UBE2R2: variants seen among roughly 807,000 people sequenced by gnomAD.
The protein encoded by UBE2R2 is ubiquitin conjugating enzyme E2 R2.
Under a neutral mutation model 27.8 loss-of-function variants are expected in UBE2R2, and 1 was observed. The ratio of observed to expected loss-of-function variants is 0.04; its 90% CI spans 0.01 to 0.17. The LOEUF is 0.17. UBE2R2 is among the 10% of genes least tolerant of loss of function. The probability of loss-of-function intolerance (pLI) is 1.00; values close to 1 mark genes in which losing one functional copy is unlikely to be tolerated. For synonymous variants in UBE2R2, 106 were observed against 113.3 expected, an observed-to-expected ratio of 0.94 and a Z score of 0.41; for missense variants, 100 against 291.0, an observed-to-expected ratio of 0.34 and a Z score of 4.78.
chr9:33,916,118 A>C (rs1822635175), intron 4 of UBE2R2, among the ~76,000 whole-genome samples: 1 of 152,210 alleles, frequency 6.6e-6, no homozygotes, highest in African/African-American at 2.4e-5. Context: ...CGAGGTGGGC[A>C]GATCATGAGG....
At chr9:33,853,370 A>G (rs1380611373) in intron 1 of UBE2R2, among the ~76,000 whole-genome samples, 2 of 144,130 alleles carry the variant, frequency 1.4e-5, no homozygotes, top group African/African-American at 2.6e-5. Flanking sequence ...GCTAACTGCA[A>G]CCTCTGCCTC....
At chr9:33,832,323 A>T (rs1224407101) in intron 1 of UBE2R2, among the ~76,000 whole-genome samples, 3 of 148,790 alleles carry the variant, frequency 2.0e-5, no homozygotes, top group Non-Finnish European at 4.5e-5. Flanking sequence ...AAAAAAAGAA[A>T]AGAAAAGAAA....
chr9:33,844,139 C>T (rs759167099), intron 1 of UBE2R2, among the ~76,000 whole-genome samples: 6 of 152,178 alleles, frequency 3.9e-5, no homozygotes, highest in Non-Finnish European at 5.9e-5. Context: ...CACTTTATTA[C>T]ATTTTATATT....
At chr9:33,877,649 C>T (rs920525224) in intron 1 of UBE2R2, among the ~76,000 whole-genome samples, 2 of 152,002 alleles carry the variant, frequency 1.3e-5, no homozygotes, top group African/African-American at 4.8e-5. Context: ...AAAACTAATT[C>T]CATAATCATC....
chr9:33,864,905 A>G (rs1821325928), intron 1 of UBE2R2, among the ~76,000 whole-genome samples: 1 of 151,590 alleles, frequency 6.6e-6, no homozygotes, highest in African/African-American at 2.4e-5. Flanking sequence ...TTGTATTTTT[A>G]GTAGAGATAG....
intron 1 of UBE2R2, among the ~76,000 whole-genome samples, chr9:33,866,886 A>G (rs1821375830): frequency 6.6e-6 from 1 of 152,134 alleles, no homozygotes; most frequent in African/African-American, 2.4e-5. Context: ...ATGTATTGTG[A>G]ATAACTTCTT....
At chr9:33,905,191 A>G (rs569048085) in intron 3 of UBE2R2, among the ~76,000 whole-genome samples, 5 of 152,326 alleles carry the variant, frequency 3.3e-5, no homozygotes, top group East Asian at 1.9e-4. Flanking sequence ...TTCAATTTCA[A>G]AAATAAAGCG....
rs145987497 is a variant in UBE2R2, at chr9:33,888,184, A to G, written c.264+1217A>G. 5.9e-3 allele frequency among the ~76,000 whole-genome samples: 894 copies of G among 152,320 alleles called. 6 individuals carry two copies. The highest frequency in any genetic ancestry group is 0.02 in the African/African-American group (842 of 41,554). ...CCATGTGAACTCAAGAACAATGTGT[A>G]ATCTGCAGTTACGAGTGTAGTAGTC... On this transcript the variant is annotated intron_variant, in intron 2 of 4. Transcript: ENST00000263228.
chr9:33,898,867 A>G (rs77243967), intron 2 of UBE2R2, among the ~76,000 whole-genome samples: 4,598 of 152,306 alleles, frequency 0.03, 148 homozygotes, highest in East Asian at 0.09. Flanking sequence ...TATCTTTTCT[A>G]TTGAATTGTG....
chr9:33,830,408 C>T (rs1204606223), intron 1 of UBE2R2, among the ~76,000 whole-genome samples: 1 of 150,272 alleles, frequency 6.7e-6, no homozygotes, highest in African/African-American at 2.4e-5. Flanking sequence ...CTGCCCGCCT[C>T]GGCCTCCCAA....
intron 1 of UBE2R2, among the ~76,000 whole-genome samples, chr9:33,875,906 TATATTC>T (rs1821592370): frequency 6.6e-6 from 1 of 152,246 alleles, no homozygotes; most frequent in East Asian, 1.9e-4. Context: ...TATGAGATCT[TATATTC>T]ATATGTTAAT....
At chr9:33,829,036 GATTTTTGT>G (rs1820382188) in intron 1 of UBE2R2, among the ~76,000 whole-genome samples, 1 of 151,920 alleles carries the variant, frequency 6.6e-6, no homozygotes, top group African/African-American at 2.4e-5. Context: ...TGCCCGGCCT[GATTTTTGT>G]ATTTTTAGTA....
chr9:33,829,120 G>A (rs550671168), intron 1 of UBE2R2, among the ~76,000 whole-genome samples: 1 of 152,176 alleles, frequency 6.6e-6, no homozygotes, highest in East Asian at 1.9e-4. Flanking sequence ...TGCCCACCTT[G>A]GCTTCCCACA....
At chr9:33,832,899 G>C (rs964867887) in intron 1 of UBE2R2, among the ~76,000 whole-genome samples, 12 of 152,030 alleles carry the variant, frequency 7.9e-5, no homozygotes, top group Non-Finnish European at 1.5e-5. Flanking sequence ...TAAAGAAAAA[G>C]ATGACCACAG....
At chr9:33,873,935 CTG>C (rs1821545521) in intron 1 of UBE2R2, among the ~76,000 whole-genome samples, 1 of 148,146 alleles carries the variant, frequency 6.8e-6, no homozygotes, top group Non-Finnish European at 1.5e-5. Context: ...GAACCAGCCA[CTG>C]TGCCTGGCCT....
intron 4 of UBE2R2, among the ~76,000 whole-genome samples, chr9:33,913,073 G>A (rs1822530342): frequency 6.6e-6 from 1 of 151,854 alleles, no homozygotes; most frequent in Non-Finnish European, 1.5e-5. Flanking sequence ...CAATTCTCCT[G>A]CCTCAGCCTC....
intron 3 of UBE2R2, 100 bp downstream of exon 3, chr9:33,900,371 ATCTT>A (rs1176652864): frequency 3.1e-5 from 25 of 806,542 alleles, no homozygotes; most frequent in Non-Finnish European, 4.3e-5. Context: ...GTAAAAAATC[ATCTT>A]TCTTATATTC....
rs558509379 is a variant in UBE2R2 at position 33,866,794 on chromosome 9, G to A, written c.178-20087G>A. Among the ~76,000 whole-genome samples the A allele has an allele frequency of 1.3e-4, 20 of 152,228 alleles. No individual in the cohort carries two copies. In the South Asian group the frequency reaches 3.5e-3, roughly 27 times the overall value. ...GCTTATTCTTGAATTTCATAATAGA[G>A]TCATACTCTTTATTCATAGGAGTTC... On this transcript the variant is annotated intron_variant, in intron 1 of 4. Coordinates refer to ENST00000263228, the MANE Select transcript of UBE2R2 (RefSeq NM_017811.4).
chr9:33,904,354 T>G (rs1326307137), intron 3 of UBE2R2, among the ~76,000 whole-genome samples: 1 of 152,168 alleles, frequency 6.6e-6, no homozygotes. Flanking sequence ...CATGTCCAGT[T>G]TATGGGTGGC....
Sources: gnomAD v4.1 joint callset for allele counts (sites outside exome capture counted in the v4.1 genomes callset) on GRCh38, gnomAD v4.1.1 for gene constraint, MANE v1.5 for transcripts, NCBI Gene and HGNC (gene_info 2026-07-23, HGNC 2026-07-21) for gene names.